Variants in PRKCB observed in about 807,000 individuals in gnomAD.
PRKCB encodes the protein protein kinase C beta, also known as protein kinase C beta type.
In PRKCB, 13 loss-of-function variants were observed where a neutral mutation model predicts 81.5. The observed-to-expected ratio is 0.16, with a 90% CI of 0.10 to 0.25. The LOEUF (loss-of-function observed/expected upper bound fraction) is 0.25. Ranked by LOEUF, PRKCB falls within the 10% of genes least tolerant of loss-of-function variation. The pLI is 1.00. For missense variants in PRKCB, 509 were observed against 875.7 expected, an observed-to-expected ratio of 0.58 and a Z score of 5.29; for synonymous variants, 335 against 321.4, an observed-to-expected ratio of 1.04 and a Z score of -0.45.
Position 24,012,612 on chromosome 16 carries a change from C to T in PRKCB, c.289-19524C>T, listed in dbSNP as rs1049849914. Among the ~76,000 whole-genome samples the T allele has an allele frequency of 3.3e-5, 5 of 152,248 alleles. No individual in the cohort carries two copies. In the East Asian group the frequency reaches 9.6e-4, roughly 29 times the overall value. On this transcript the variant is annotated intron_variant, in intron 3 of 16. Transcript: ENST00000643927. ...CAATGGCTTCCCATTGTTCTTGGGA[C>T]AAAGTAAATACTCTTTGAAGTGGCT... is the stretch of plus-strand genomic sequence containing the variant.
chr16:24,150,122 G>A (rs1221618961), intron 9 of PRKCB, among the ~76,000 whole-genome samples: 1 of 152,160 alleles, frequency 6.6e-6, no homozygotes, highest in Non-Finnish European at 1.5e-5. Flanking sequence ...CTGAAGGTCT[G>A]GAGTTTGAGA....
At chr16:24,188,471 T>A (rs1005079589) in intron 15 of PRKCB, among the ~76,000 whole-genome samples, 3 of 152,202 alleles carry the variant, frequency 2.0e-5, no homozygotes, top group African/African-American at 7.2e-5. Flanking sequence ...CAGTACCTTT[T>A]CTTTGCTTGG....
intron 9 of PRKCB, among the ~76,000 whole-genome samples, chr16:24,140,864 G>C (rs1171398693): frequency 6.6e-6 from 1 of 152,090 alleles, no homozygotes; most frequent in Admixed American, 6.5e-5. Context: ...GTTTTACAAA[G>C]GCAGTTTAGT....
intron 3 of PRKCB, among the ~76,000 whole-genome samples, chr16:24,009,769 T>A (rs1965177083): frequency 6.6e-6 from 1 of 151,864 alleles, no homozygotes; most frequent in South Asian, 2.1e-4. Context: ...ATCCCAGCAC[T>A]TTGGGAGGCC....
rs113094149 is a variant in PRKCB at position 23,849,793 on chromosome 16, A to G, written c.205+12387A>G. Among the ~76,000 whole-genome samples, 741 of 152,332 alleles carry G rather than the reference A, an allele frequency of 4.9e-3. 5 individuals carry two copies. Among genetic ancestry groups the G allele is most frequent in the African/African-American group, 0.017 (699 of 41,582 alleles). ...ATACAATGTGTCATGGTTAATTCAA[A>G]CTAATTAATATAACCATCAGCTTGT... On this transcript the variant is annotated intron_variant, in intron 2 of 16. Transcript: ENST00000643927.
chr16:24,178,249 A>G (rs913331633), intron 12 of PRKCB, among the ~76,000 whole-genome samples: 5 of 152,216 alleles, frequency 3.3e-5, no homozygotes, highest in Non-Finnish European at 7.3e-5. Flanking sequence ...TGTCTCTGGA[A>G]TGTGTGTTGG....
chr16:24,048,508 T>A (rs1965795385), intron 5 of PRKCB, among the ~76,000 whole-genome samples: 1 of 147,818 alleles, frequency 6.8e-6, no homozygotes, highest in Admixed American at 6.8e-5. Flanking sequence ...TTTTTTTTTT[T>A]ATAACAGAGT....
chr16:24,216,112 G>A lies in PRKCB; in HGVS notation c.*1296G>A, dbSNP rs8059889. On this transcript the variant is annotated 3_prime_UTR_variant, in exon 17 of 17. Transcript: ENST00000643927. ...AACTCAGGAGAAAGGAACTAACTGCGGAGCTTTAATCTTGGCCCCAGTGTT... is the reference window on the plus strand; with the variant it reads ...AACTCAGGAGAAAGGAACTAACTGCAGAGCTTTAATCTTGGCCCCAGTGTT... 2,713 of 985,408 alleles carry A rather than the reference G, an allele frequency of 2.8e-3. 63 individuals are homozygous for A. In the African/African-American group the frequency reaches 0.043, roughly 16 times the overall value. 61.0% of individuals were successfully genotyped at this position (985,408 alleles called of 1,614,324 possible). A position where few individuals can be genotyped will look rare whatever the true frequency, so the allele number is the denominator to read the frequency against.
intron 9 of PRKCB, among the ~76,000 whole-genome samples, chr16:24,146,224 C>A (rs1347849571): frequency 6.6e-6 from 1 of 152,276 alleles, no homozygotes; most frequent in Non-Finnish European, 1.5e-5. Context: ...TTTGGGACTT[C>A]CAGCCTCCAG....
intron 2 of PRKCB, among the ~76,000 whole-genome samples, chr16:23,879,488 T>C (rs1963071364): frequency 5.1e-3 from 9 of 1,752 alleles, no homozygotes; most frequent in African/African-American, 0.016. Flanking sequence ...TATCCTTTTT[T>C]TTTTTTTTTT....
chr16:24,052,663 C>T (rs148716666), intron 5 of PRKCB, among the ~76,000 whole-genome samples: 3 of 152,294 alleles, frequency 2.0e-5, no homozygotes, highest in African/African-American at 4.8e-5. Context: ...ACTGTCATGG[C>T]GCTGCTGGGA....
At chr16:23,930,053 A>G (rs555335569) in intron 2 of PRKCB, among the ~76,000 whole-genome samples, 1 of 152,088 alleles carries the variant, frequency 6.6e-6, no homozygotes, top group Non-Finnish European at 1.5e-5. Flanking sequence ...TGATTCTCAA[A>G]CCTCCTAGTA....
chr16:24,063,966 A>G (rs149650823), intron 5 of PRKCB, among the ~76,000 whole-genome samples: 258 of 152,296 alleles, frequency 1.7e-3, no homozygotes, highest in Middle Eastern at 3.4e-3. Flanking sequence ...TGACTGACAT[A>G]TTGTTGGGTG....
intron 2 of PRKCB, among the ~76,000 whole-genome samples, chr16:23,973,331 G>C (rs368776870): frequency 6.6e-6 from 1 of 152,020 alleles, no homozygotes; most frequent in Non-Finnish European, 1.5e-5. Flanking sequence ...ACAAGCACCC[G>C]CCACCACGCC....
intron 9 of PRKCB, among the ~76,000 whole-genome samples, chr16:24,154,151 C>T (rs981436759): frequency 1.3e-5 from 2 of 152,278 alleles, no homozygotes; most frequent in African/African-American, 4.8e-5. Flanking sequence ...AATCATCTCC[C>T]CTGGAACCAT....
intron 16 of PRKCB, among the ~76,000 whole-genome samples, chr16:24,196,093 C>A (rs1008651062): frequency 6.6e-6 from 1 of 152,198 alleles, no homozygotes; most frequent in Non-Finnish European, 1.5e-5. Context: ...TCAAGAAATT[C>A]ATCACAGGCT....
chr16:24,189,802 T>C (rs953371065), intron 15 of PRKCB, among the ~76,000 whole-genome samples: 2 of 152,218 alleles, frequency 1.3e-5, no homozygotes, highest in Non-Finnish European at 2.9e-5. Flanking sequence ...TGTCCAACAG[T>C]GTAGGAATGA....
At chr16:23,887,107 TCTTTCTTG>T (rs1000632574) in intron 2 of PRKCB, among the ~76,000 whole-genome samples, 19 of 151,980 alleles carry the variant, frequency 1.3e-4, no homozygotes, top group East Asian at 5.8e-4. Flanking sequence ...TTTCTTGCTT[TCTTTCTTG>T]CTTTCTTGCT....
At chr16:24,210,509 T>G (rs933186399) in intron 16 of PRKCB, among the ~76,000 whole-genome samples, 1 of 151,380 alleles carries the variant, frequency 6.6e-6, no homozygotes, top group Admixed American at 6.6e-5. Flanking sequence ...CTTCTTTTTT[T>G]TTTTTTTGAG....
Sources: allele counts gnomAD v4.1 joint callset (sites outside exome capture counted in the v4.1 genomes callset), GRCh38; gene constraint gnomAD v4.1.1; transcripts MANE v1.5; gene names NCBI Gene and HGNC (gene_info 2026-07-23, HGNC 2026-07-21).